RPL14: variants seen among roughly 807,000 people sequenced by gnomAD.
The protein encoded by RPL14 is large ribosomal subunit protein eL14.
Under a neutral mutation model 25.3 loss-of-function variants are expected in RPL14, and 4 were observed. The ratio of observed to expected loss-of-function variants is 0.16; its 90% CI spans 0.08 to 0.36. The LOEUF (loss-of-function observed/expected upper bound fraction) is 0.36. Ranked by LOEUF, RPL14 falls within the 10% of genes least tolerant of loss-of-function variation. The pLI is 1.00. For synonymous variants in RPL14, 75 were observed against 89.8 expected (o/e 0.84, Z 0.93); for missense variants, 212 against 261.9 (o/e 0.81, Z 1.31).
In RPL14 at chr3:40,462,342, A is replaced by T; in HGVS notation, c.*110A>T. ...TGGAGTTAGGAGGCAGATTGATAGT[A>T]GGATTATAATAAACATTAAATAATC... On this transcript the variant is annotated 3_prime_UTR_variant, in exon 6 of 6. Coordinates refer to ENST00000396203, the MANE Select transcript of RPL14 (RefSeq NM_001034996.3). 2.2e-6 allele frequency: 2 copies of T among 911,716 alleles called. No individual in the cohort carries two copies. The highest frequency in any genetic ancestry group is 3.2e-6 in the Non-Finnish European group (2 of 618,828). 56.5% of individuals were successfully genotyped at this position (911,716 alleles called of 1,614,324 possible).
rs1696997717 is a variant in RPL14, at chr3:40,464,413, C to G, written c.*2181C>G. ...ATGATTTCGGATTACCTGTTCTACT[C>G]TGGGAGGTAGAGAATTGTCTAGAGA... On this transcript the variant is annotated 3_prime_UTR_variant, in exon 6 of 6. Transcript: ENST00000396203. The G allele has an allele frequency of 2.2e-6, 1 of 454,442 alleles. No individual in the cohort carries two copies. The highest frequency in any genetic ancestry group is 4.4e-6 in the Non-Finnish European group (1 of 226,382). 28.2% of individuals were successfully genotyped at this position (454,442 alleles called of 1,614,324 possible). A position where few individuals can be genotyped will look rare whatever the true frequency, so the allele number is the denominator to read the frequency against.
intron 4 of RPL14, 27 bp downstream of exon 4, chr3:40,461,533 T>C: frequency 6.2e-7 from 1 of 1,611,556 alleles, no homozygotes; most frequent in Non-Finnish European, 8.5e-7. Flanking sequence ...ATTTGAATTC[T>C]GGTCCTTTCT....
At chr3:40,460,474 C>T (rs1330209890) in intron 3 of RPL14, among the ~76,000 whole-genome samples, 1 of 151,308 alleles carries the variant, frequency 6.6e-6, no homozygotes, top group Admixed American at 6.6e-5. Flanking sequence ...GCCAACGTTG[C>T]GCCAGTGCAT....
rs551129432 is a variant in RPL14, at chr3:40,459,889, A to T, written c.200+1153A>T. 4.6e-4 allele frequency among the ~76,000 whole-genome samples: 59 copies of T among 128,440 alleles called. 2 individuals are homozygous for T. Among genetic ancestry groups the T allele is most frequent in the African/African-American group, 1.6e-3 (57 of 34,912 alleles). The allele number at this position is 128,440 out of a possible 152,430, so 84.3% of individuals were successfully genotyped here. ...AAAAAAAAAAAAAAAAACTTACTGT[A>T]TGCTGAGCACTACAGGCACTGTGGG... On this transcript the variant is annotated intron_variant, in intron 3 of 5. Coordinates refer to ENST00000396203, the MANE Select transcript of RPL14 (RefSeq NM_001034996.3).
chr3:40,459,004 C>T, intron 3 of RPL14: 1 of 373,772 alleles, frequency 2.7e-6, no homozygotes, highest in South Asian at 3.0e-5. Context: ...GCGAAAACCC[C>T]CATCTCTACA....
At position 40,465,302 on chromosome 3, in the gene RPL14, T is replaced by C. The variant is rs2125627272; in HGVS notation, c.*3070T>C. Reference sequence around the variant, plus strand: ...TAGTAAGCAAAGGAGAAATGTTATATGGGGTTCGGAGGTTTTGTGTTTGTA... The same window carrying C: ...TAGTAAGCAAAGGAGAAATGTTATACGGGGTTCGGAGGTTTTGTGTTTGTA... On this transcript the variant is annotated 3_prime_UTR_variant, in exon 6 of 6. Transcript: ENST00000396203. The C allele has an allele frequency of 6.6e-6, 1 of 152,222 alleles. No homozygotes were observed. The allele number at this position is 152,222 out of a possible 1,614,324, so 9.4% of individuals were successfully genotyped here. A position where few individuals can be genotyped will look rare whatever the true frequency, so the allele number is the denominator to read the frequency against.
chr3:40,457,386 C>G lies in RPL14; in HGVS notation c.-86C>G, dbSNP rs886928085. 1 of 1,603,488 alleles carries G rather than the reference C, an allele frequency of 6.2e-7. No individual in the cohort carries two copies. Among genetic ancestry groups the G allele is most frequent in the East Asian group, 2.3e-5 (1 of 43,846 alleles). ...ATGGTGAGTCTTACTGTTGCGGGCT[C>G]CGGGGCCGTCGACCATGCCGCTCGA... On this transcript the variant is annotated 5_prime_UTR_variant, in exon 1 of 6. Transcript: ENST00000396203.
At chr3:40,458,474 A>G (rs757779602) in intron 2 of RPL14, 168 bp from the exon 3 acceptor site, 7 of 605,918 alleles carry the variant, frequency 1.2e-5, no homozygotes, top group African/African-American at 1.9e-5. Flanking sequence ...AGCAAAAGAC[A>G]TACATATATA....
At chr3:40,461,860 G>T in intron 5 of RPL14, 79 bp from the exon 6 acceptor site, 2 of 1,465,984 alleles carry the variant, frequency 1.4e-6, no homozygotes, top group Non-Finnish European at 1.8e-6. Context: ...ACTACTTAAT[G>T]CCCTTTCTAA....
At chr3:40,458,220 G>A (rs1696875187) in intron 2 of RPL14, 1 of 578,956 alleles carries the variant, frequency 1.7e-6, no homozygotes, top group Admixed American at 3.1e-5. Context: ...AGGCTGAAAC[G>A]TTGGTTAGTT....
At position 40,457,376 on chromosome 3, in the gene RPL14, G is replaced by C. The variant is rs370698857; in HGVS notation, c.-96G>C. On this transcript the variant is annotated 5_prime_UTR_variant, in exon 1 of 6. Transcript: ENST00000396203. ...CGCCGCCAACATGGTGAGTCTTACT[G>C]TTGCGGGCTCCGGGGCCGTCGACCA... The C allele has an allele frequency of 1.4e-5, 23 of 1,606,588 alleles. No homozygotes were observed. The highest frequency in any genetic ancestry group is 1.9e-5 in the Non-Finnish European group (22 of 1,176,366).
rs143691987 is a variant in RPL14 at position 40,462,425 on chromosome 3, G to A, written c.*193G>A. 254 of 551,274 alleles carry A rather than the reference G, an allele frequency of 4.6e-4. No homozygotes were observed. In the African/African-American group the frequency reaches 4.7e-3, roughly 10 times the overall value. 34.1% of individuals were successfully genotyped at this position (551,274 alleles called of 1,614,324 possible). On this transcript the variant is annotated 3_prime_UTR_variant, in exon 6 of 6. Coordinates refer to ENST00000396203, the MANE Select transcript of RPL14 (RefSeq NM_001034996.3). ...GGAGTCTCGTTCTGTTGCTCAGGCC[G>A]GACTGCAGTGGCGCTATCTCGGCTC...
rs575353391 is a variant in RPL14 at position 40,462,929 on chromosome 3, A to ATT, written c.*708_*709dup. On this transcript the variant is annotated 3_prime_UTR_variant, in exon 6 of 6. Coordinates refer to ENST00000396203, the MANE Select transcript of RPL14 (RefSeq NM_001034996.3). Reference sequence around the variant, plus strand: ...TCTAGCAGATTTATTTTATTTATTTATTTTTTTTTTTTGGAGACAGAGTCT... The same window carrying ATT: ...TCTAGCAGATTTATTTTATTTATTTATTTTTTTTTTTTTTGGAGACAGAGTCT... 2.7e-5 allele frequency: 4 copies of ATT among 150,044 alleles called. No homozygotes were observed. Among genetic ancestry groups the ATT allele is most frequent in the East Asian group, 1.9e-4 (1 of 5,140 alleles). The allele number at this position is 150,044 out of a possible 1,614,324, so 9.3% of individuals were successfully genotyped here.
At chr3:40,460,586 A>G (rs1322124700) in intron 3 of RPL14, among the ~76,000 whole-genome samples, 1 of 145,598 alleles carries the variant, frequency 6.9e-6, no homozygotes, top group Non-Finnish European at 1.5e-5. Context: ...ATATATAGTC[A>G]GAGGTGGGTT....
intron 3 of RPL14, 151 bp downstream of exon 3, chr3:40,458,887 A>T: frequency 1.5e-6 from 1 of 662,694 alleles, no homozygotes; most frequent in Non-Finnish European, 2.7e-6. Flanking sequence ...TACTTTTAAA[A>T]TGTCTTGCCT....
At position 40,463,606 on chromosome 3, in the gene RPL14, G is replaced by C. The variant is rs970706910; in HGVS notation, c.*1374G>C. On this transcript the variant is annotated 3_prime_UTR_variant, in exon 6 of 6. Transcript: ENST00000396203. ...CCAAAAAGCTCTAACCTCTGAAACT[G>C]AGCTATGACACTACAATTTAAAAAT... 2 of 152,330 alleles carry C rather than the reference G, an allele frequency of 1.3e-5. No homozygotes were observed. Among genetic ancestry groups the C allele is most frequent in the Non-Finnish European group, 2.9e-5 (2 of 68,040 alleles). 9.4% of individuals were successfully genotyped at this position (152,330 alleles called of 1,614,324 possible).
chr3:40,462,367 C>G lies in RPL14; in HGVS notation c.*135C>G, dbSNP rs1340019304. ...AGGATTATAATAAACATTAAATAAT[C>G]AGTTCCTTTTTTTTTTTTTTTTTTT... On this transcript the variant is annotated 3_prime_UTR_variant, in exon 6 of 6. Coordinates refer to ENST00000396203, the MANE Select transcript of RPL14 (RefSeq NM_001034996.3). 1.3e-5 allele frequency: 8 copies of G among 608,034 alleles called. No homozygotes were observed. Among genetic ancestry groups the G allele is most frequent in the South Asian group, 2.9e-5 (1 of 34,050 alleles). 37.7% of individuals were successfully genotyped at this position (608,034 alleles called of 1,614,324 possible).
intron 3 of RPL14, among the ~76,000 whole-genome samples, chr3:40,459,913 G>C (rs1283669724): frequency 6.6e-6 from 1 of 150,702 alleles, no homozygotes; most frequent in Non-Finnish European, 1.5e-5. Flanking sequence ...AGGCACTGTG[G>C]GACGTGTATT....
At chr3:40,459,847 A>T (rs985227011) in intron 3 of RPL14, among the ~76,000 whole-genome samples, 1 of 113,400 alleles carries the variant, frequency 8.8e-6, no homozygotes, top group South Asian at 3.2e-4. Context: ...TGACAGAGCG[A>T]GACTCCGTTT....
Sources: allele counts gnomAD v4.1 joint callset (sites outside exome capture counted in the v4.1 genomes callset), GRCh38; gene constraint gnomAD v4.1.1; transcripts MANE v1.5; gene names NCBI Gene and HGNC (gene_info 2026-07-23, HGNC 2026-07-21).